Variants in PTPN14 observed in about 807,000 individuals in gnomAD.
PTPN14 encodes tyrosine-protein phosphatase non-receptor type 14.
Under a neutral mutation model 126.8 loss-of-function variants are expected in PTPN14, and 53 were observed. That is an observed-to-expected ratio of 0.42 (90% CI 0.34 to 0.53). The LOEUF is 0.53. Ranked by LOEUF, PTPN14 falls within the 20% of genes least tolerant of loss-of-function variation. PTPN14 has a pLI of 0.08. For missense variants in PTPN14, 1,257 were observed against 1,552.9 expected (o/e 0.81, Z 3.20); for synonymous variants, 630 against 599.3 (o/e 1.05, Z -0.75).
rs1659809731 is a variant in PTPN14 at position 214,432,100 on chromosome 1, C to T, written c.345-17374G>A. ...CACCCAGGCTGAGGTAGGAGGATCT[C>T]CTGGGCCAGGAACTATGGGCCAGGA... is the stretch of plus-strand genomic sequence containing the variant. On this transcript the variant is annotated intron_variant, in intron 3 of 18. Coordinates refer to ENST00000366956, the MANE Select transcript of PTPN14 (RefSeq NM_005401.5). Among the ~76,000 whole-genome samples, 6 of 152,112 alleles carry T rather than the reference C, an allele frequency of 3.9e-5. No individual in the cohort carries two copies. In the South Asian group the frequency reaches 1.2e-3, roughly 32 times the overall value.
At chr1:214,550,893 G>T (rs1344433655) in intron 1 of PTPN14, among the ~76,000 whole-genome samples, 3 of 152,218 alleles carry the variant, frequency 2.0e-5, no homozygotes, top group Admixed American at 1.3e-4. Context: ...ACGCAGAAGG[G>T]AATGGAGAGA....
At chr1:214,533,897 A>C (rs1290679149) in intron 1 of PTPN14, among the ~76,000 whole-genome samples, 1 of 151,922 alleles carries the variant, frequency 6.6e-6, no homozygotes, top group Non-Finnish European at 1.5e-5. Flanking sequence ...TACTGAGAAA[A>C]ATATGGGGCC....
chr1:214,384,577 G>A lies in PTPN14; in HGVS notation c.1278C>T (p.Ile426=), dbSNP rs1374317686. 3.7e-6 allele frequency: 6 copies of A among 1,614,186 alleles called. No individual in the cohort carries two copies. The highest frequency in any genetic ancestry group is 4.2e-6 in the Non-Finnish European group (5 of 1,180,038). Residue 426 remains isoleucine, a synonymous_variant, in exon 13 of 19, where the codon ATC becomes ATT. Coordinates refer to ENST00000366956, the MANE Select transcript of PTPN14 (RefSeq NM_005401.5). This position sits in a 1 kb window ranked among gnomAD's most constrained non-coding sequence, Gnocchi z 5.3. ...TGATCGCGCTGTGCCGGTGGCTCGG[G>A]ATGTAGTCGGCCCGCATGATGTCAC... ...PGSDIMRADY[I]PSHRHSAIIV... is the part of the protein sequence containing the mutation.
chr1:214,451,873 C>T lies in PTPN14; in HGVS notation c.276G>A (p.Glu92=). 1 of 1,614,224 alleles carries T rather than the reference C, an allele frequency of 6.2e-7. No individual in the cohort carries two copies. The highest frequency in any genetic ancestry group is 8.5e-7 in the Non-Finnish European group (1 of 1,180,040). ...ACATGACTCCAAAGAAAAGCAAAGG[C>T]TCATTAGCGAATTTGTCCAGATGTT... ...LKKHLDKFAN[E]PLLFFGVMFY... The change falls in exon 3 of 19, where the codon GAG becomes GAA. Residue 92 remains glutamate (E), a synonymous_variant. Coordinates refer to ENST00000366956, the MANE Select transcript of PTPN14 (RefSeq NM_005401.5).
At chr1:214,483,430 G>A in intron 1 of PTPN14, 3 of 1,306,500 alleles carry the variant, frequency 2.3e-6, no homozygotes, top group South Asian at 1.2e-5. Context: ...GGCCAGGGCG[G>A]GAGCGGGCGC....
At chr1:214,418,148 G>T (rs79185959) in intron 3 of PTPN14, among the ~76,000 whole-genome samples, 3 of 152,154 alleles carry the variant, frequency 2.0e-5, no homozygotes, top group African/African-American at 7.2e-5. Context: ...GCCAGTGACC[G>T]GTTCTCCACC....
chr1:214,518,112 A>G (rs1183646539), intron 1 of PTPN14, among the ~76,000 whole-genome samples: 1 of 152,190 alleles, frequency 6.6e-6, no homozygotes, highest in Admixed American at 6.5e-5. Flanking sequence ...TAAACAATAA[A>G]TGTTTGTCAA....
intron 1 of PTPN14, among the ~76,000 whole-genome samples, chr1:214,470,426 C>T (rs1415829846): frequency 6.6e-6 from 1 of 152,084 alleles, no homozygotes; most frequent in Non-Finnish European, 1.5e-5. Flanking sequence ...GCCTGGGACA[C>T]TATTGGGGTA....
intron 17 of PTPN14, among the ~76,000 whole-genome samples, chr1:214,368,193 C>T (rs1453961766): frequency 5.2e-5 from 2 of 38,300 alleles, no homozygotes; most frequent in Non-Finnish European, 1.1e-4. Flanking sequence ...TAATGTTATT[C>T]GTTTTTATTT....
chr1:214,449,514 T>TAC (rs1660224791), intron 3 of PTPN14, among the ~76,000 whole-genome samples: 3 of 152,214 alleles, frequency 2.0e-5, no homozygotes, highest in Non-Finnish European at 1.5e-5. Context: ...CATCACTCAT[T>TAC]ACCTTGCACT....
intron 3 of PTPN14, among the ~76,000 whole-genome samples, chr1:214,448,229 C>T (rs1362612077): frequency 6.6e-6 from 1 of 151,898 alleles, no homozygotes; most frequent in Non-Finnish European, 1.5e-5. Flanking sequence ...CAGAGGAGTA[C>T]TATTCATTTT....
At chr1:214,518,694 G>A (rs1483616264) in intron 1 of PTPN14, among the ~76,000 whole-genome samples, 5 of 152,048 alleles carry the variant, frequency 3.3e-5, no homozygotes, top group Admixed American at 3.3e-4. Context: ...CAAGGAAGGG[G>A]TACAGTTACC....
At chr1:214,389,595 G>C (rs889053195) in intron 11 of PTPN14, among the ~76,000 whole-genome samples, 8 of 152,106 alleles carry the variant, frequency 5.3e-5, no homozygotes, top group African/African-American at 1.9e-4. Flanking sequence ...AGGGGAAAGG[G>C]GGAAGCCATG....
intron 14 of PTPN14, 40 bp from the exon 15 acceptor site, chr1:214,376,477 A>G (rs1280423502): frequency 1.3e-6 from 2 of 1,525,118 alleles, no homozygotes; most frequent in Non-Finnish European, 1.8e-6. Flanking sequence ...AAATTATCTG[A>G]TCCAAAAACT....
chr1:214,425,644 T>G (rs887200864), intron 3 of PTPN14, among the ~76,000 whole-genome samples: 23 of 152,190 alleles, frequency 1.5e-4, no homozygotes, highest in African/African-American at 5.5e-4. Flanking sequence ...TTTACGTTGT[T>G]CCTAGTGTAC....
intron 1 of PTPN14, among the ~76,000 whole-genome samples, chr1:214,465,376 G>A (rs2102653498): frequency 6.6e-6 from 1 of 152,290 alleles, no homozygotes; most frequent in East Asian, 1.9e-4. Flanking sequence ...TTGGGAGGTT[G>A]AGGCGGAAGG....
intron 4 of PTPN14, among the ~76,000 whole-genome samples, chr1:214,412,191 C>A (rs754044128): frequency 2.0e-4 from 31 of 152,170 alleles, no homozygotes; most frequent in Non-Finnish European, 3.8e-4. Flanking sequence ...CCTTGGCAAG[C>A]AACCTCAAAT....
chr1:214,383,538 G>A lies in PTPN14; in HGVS notation c.2317C>T (p.Pro773Ser), dbSNP rs762646658. ...AGCACCCTGGCTCTGGCCATGGCGG[G>A]AGGAAGGCTGGCTTGGTCCTGCCTC... Reference protein sequence around the residue: ...ALRQDQASLPPAMARARVLRH... With the variant: ...ALRQDQASLPSAMARARVLRH... The change falls in exon 13 of 19, where the codon CCC becomes TCC. Residue 773 changes from proline (P) to serine (S), a missense_variant. Physicochemically the swap from Pro to Ser is moderately conservative, Grantham distance 74. Around this residue, in one of 3 missense-constraint regions of PTPN14, gnomAD observed 1,021 missense variants for 1,183.3 expected, o/e 0.86. Coordinates refer to ENST00000366956, the MANE Select transcript of PTPN14 (RefSeq NM_005401.5). The surrounding 1 kb of genome is among the most constrained non-coding windows in gnomAD (Gnocchi z 4.4). The A allele has an allele frequency of 1.2e-6, 2 of 1,613,974 alleles. No individual in the cohort carries two copies. The highest frequency in any genetic ancestry group is 1.7e-6 in the Non-Finnish European group (2 of 1,179,942).
intron 3 of PTPN14, among the ~76,000 whole-genome samples, chr1:214,415,016 C>G (rs1659394335): frequency 6.6e-6 from 1 of 152,182 alleles, no homozygotes; most frequent in Non-Finnish European, 1.5e-5. Flanking sequence ...GTCCTCATAA[C>G]AGAATCCGAG....
Sources: gnomAD v4.1 joint callset for allele counts (sites outside exome capture counted in the v4.1 genomes callset) on GRCh38, gnomAD v4.1.1 for gene constraint, gnomAD v4.1.1 regional missense constraint, Gnocchi (gnomAD v3.1) non-coding constraint, MANE v1.5 for transcripts, NCBI Gene and HGNC (gene_info 2026-07-23, HGNC 2026-07-21) for gene names.